Variants in PIGU observed in about 807,000 individuals in gnomAD.
The protein encoded by PIGU is GPI-anchor transamidase component PIGU.
A neutral mutation model predicts 49.9 loss-of-function variants in PIGU; 24 were observed. The ratio of observed to expected loss-of-function variants is 0.48; its 90% confidence interval spans 0.35 to 0.68. The LOEUF is 0.68. PIGU is among the 30% of genes least tolerant of loss of function. PIGU has a pLI of 0.01. For synonymous variants in PIGU, 220 were observed against 205.7 expected, an observed-to-expected ratio of 1.07 and a Z score of -0.59; for missense variants, 490 against 532.6, an observed-to-expected ratio of 0.92 and a Z score of 0.79.
chr20:34,595,032 C>G (rs1465460106), intron 7 of PIGU, among the ~76,000 whole-genome samples: 1 of 130,774 alleles, frequency 7.6e-6, no homozygotes, highest in Non-Finnish European at 1.6e-5. Context: ...GCGGACGGAG[C>G]TTGCAGTGAG....
chr20:34,601,121 T>A (rs1984403148), intron 7 of PIGU, among the ~76,000 whole-genome samples: 1 of 152,150 alleles, frequency 6.6e-6, no homozygotes, highest in Non-Finnish European at 1.5e-5. Context: ...GCAAATCCCA[T>A]TAGTGGCCCC....
intron 8 of PIGU, among the ~76,000 whole-genome samples, chr20:34,586,559 G>C: frequency 6.6e-6 from 1 of 152,074 alleles, no homozygotes; most frequent in South Asian, 2.1e-4. Context: ...CTGCCACTCA[G>C]ATCCCTTCCA....
At chr20:34,570,914 G>A (rs193169372) in intron 11 of PIGU, among the ~76,000 whole-genome samples, 1 of 152,086 alleles carries the variant, frequency 6.6e-6, no homozygotes, top group Non-Finnish European at 1.5e-5. Flanking sequence ...TGCTTCCTTT[G>A]GTTCATGGAC....
chr20:34,568,516 A>C (rs1982871679), intron 11 of PIGU, among the ~76,000 whole-genome samples: 1 of 152,204 alleles, frequency 6.6e-6, no homozygotes, highest in Admixed American at 6.5e-5. Flanking sequence ...ACCGGCAGGA[A>C]GAAACCTGAA....
intron 2 of PIGU, among the ~76,000 whole-genome samples, chr20:34,649,329 C>T (rs1200586498): frequency 1.3e-5 from 2 of 151,952 alleles, no homozygotes; most frequent in Non-Finnish European, 2.9e-5. Flanking sequence ...TCTCTTCTCC[C>T]ATTCTAGAAC....
chr20:34,642,863 T>G (rs76209405), intron 4 of PIGU, among the ~76,000 whole-genome samples: 10,136 of 150,886 alleles, frequency 0.067, 1,084 homozygotes, highest in African/African-American at 0.23. Context: ...GTTCAATTGA[T>G]TCTTATGCCT....
chr20:34,646,080 C>A (rs1986335566), intron 2 of PIGU, among the ~76,000 whole-genome samples: 1 of 151,886 alleles, frequency 6.6e-6, no homozygotes, highest in African/African-American at 2.4e-5. Context: ...ATATTTTTTT[C>A]TTTATTTATT....
At chr20:34,595,095 C>CAAAAAAA (rs71194627) in intron 7 of PIGU, among the ~76,000 whole-genome samples, 27 of 71,320 alleles carry the variant, frequency 3.8e-4, no homozygotes, top group Non-Finnish European at 5.0e-4. Flanking sequence ...GACTCCGTCT[C>CAAAAAAA]AAAAAAAAAA....
Position 34,588,871 on chromosome 20 carries a change from G to T in PIGU, c.628-264C>A, listed in dbSNP as rs535084878. ...AGATACAAATGGAGGAAGATTCATT[G>T]CACCATTGTTTGGAATATCAAGAAA... On this transcript the variant is annotated intron_variant, in intron 7 of 11. Coordinates refer to ENST00000217446, the MANE Select transcript of PIGU (RefSeq NM_080476.5). Among the ~76,000 whole-genome samples, 71 of 152,228 alleles carry T rather than the reference G, an allele frequency of 4.7e-4. 1 individual carries two copies. Among genetic ancestry groups the T allele is most frequent in the African/African-American group, 1.7e-3 (71 of 41,556 alleles).
At chr20:34,620,784 C>T in intron 6 of PIGU, among the ~76,000 whole-genome samples, 1 of 133,062 alleles carries the variant, frequency 7.5e-6, no homozygotes, top group Non-Finnish European at 1.5e-5. Context: ...GCACGCGACA[C>T]AGCAAGACTC....
At chr20:34,629,112 G>A (rs1451826473) in intron 6 of PIGU, among the ~76,000 whole-genome samples, 1 of 151,712 alleles carries the variant, frequency 6.6e-6, no homozygotes, top group Non-Finnish European at 1.5e-5. Flanking sequence ...TGCCTCCCAG[G>A]TTCAAGCAAT....
At chr20:34,564,031 A>G (rs759991935) in intron 11 of PIGU, among the ~76,000 whole-genome samples, 1 of 152,226 alleles carries the variant, frequency 6.6e-6, no homozygotes, top group Admixed American at 6.5e-5. Flanking sequence ...ATACCTGGCC[A>G]GCGCTCCTCA....
At chr20:34,611,177 T>C (rs999489557) in intron 7 of PIGU, among the ~76,000 whole-genome samples, 4 of 152,042 alleles carry the variant, frequency 2.6e-5, no homozygotes, top group African/African-American at 7.2e-5. Context: ...CCAAAAGCAA[T>C]TGCAACGAAA....
intron 2 of PIGU, among the ~76,000 whole-genome samples, chr20:34,652,980 T>G (rs1238973571): frequency 6.6e-6 from 1 of 151,880 alleles, no homozygotes; most frequent in Non-Finnish European, 1.5e-5. Context: ...TTGGGTTTTT[T>G]TTTTTTTTTT....
intron 1 of PIGU, among the ~76,000 whole-genome samples, chr20:34,661,729 C>T (rs1311749288): frequency 6.6e-6 from 1 of 151,982 alleles, no homozygotes; most frequent in Non-Finnish European, 1.5e-5. Context: ...TAGGTATATA[C>T]CTAGTAATGG....
intron 2 of PIGU, among the ~76,000 whole-genome samples, chr20:34,651,525 G>GT (rs368124770): frequency 6.2e-4 from 93 of 149,510 alleles, no homozygotes; most frequent in African/African-American, 1.5e-3. Context: ...AGCAGATGTG[G>GT]TTTTTTTTTT....
chr20:34,666,792 G>A (rs1260232464), intron 1 of PIGU, among the ~76,000 whole-genome samples: 1 of 150,076 alleles, frequency 6.7e-6, no homozygotes, highest in Non-Finnish European at 1.5e-5. Flanking sequence ...CACCTCCCGG[G>A]TTGACGCCAT....
intron 6 of PIGU, among the ~76,000 whole-genome samples, chr20:34,625,546 C>G (rs1246021849): frequency 6.6e-6 from 1 of 150,408 alleles, no homozygotes; most frequent in Non-Finnish European, 1.5e-5. Context: ...TGGCTCACAC[C>G]TGTAAGCCCA....
intron 6 of PIGU, among the ~76,000 whole-genome samples, chr20:34,625,375 A>C (rs1206139156): frequency 5.3e-5 from 8 of 151,854 alleles, no homozygotes; most frequent in East Asian, 1.9e-4. Flanking sequence ...TCTCAAAAAA[A>C]AAAAAAACAA....
Sources: allele counts gnomAD v4.1 joint callset (sites outside exome capture counted in the v4.1 genomes callset), GRCh38; gene constraint gnomAD v4.1.1; transcripts MANE v1.5; gene names NCBI Gene and HGNC (gene_info 2026-07-23, HGNC 2026-07-21).